OLFML2A: variants seen among roughly 807,000 people sequenced by gnomAD.
The protein encoded by OLFML2A is olfactomedin like 2A, also known as olfactomedin-like protein 2A.
Under a neutral mutation model 60.9 loss-of-function variants are expected in OLFML2A, and 47 were observed. The observed-to-expected ratio is 0.77, with a 90% CI of 0.61 to 0.98. The LOEUF (loss-of-function observed/expected upper bound fraction) is 0.98, where lower values mean the gene tolerates loss of function less well. Among genes scored for constraint, OLFML2A ranks in the 50% least tolerant of loss-of-function variants. The pLI is 0.00. For synonymous variants in OLFML2A, 372 were observed against 375.0 expected (o/e 0.99, Z 0.09); for missense variants, 922 against 879.8 (o/e 1.05, Z -0.61).
chr9:124,799,954 G>C lies in OLFML2A; in HGVS notation c.669+463G>C, dbSNP rs1361152322. Among the ~76,000 whole-genome samples the C allele has an allele frequency of 1.3e-5, 2 of 152,256 alleles. 1 individual carries two copies. The highest frequency in any genetic ancestry group is 4.1e-4 in the South Asian group (2 of 4,824). On this transcript the variant is annotated intron_variant, in intron 4 of 7. Coordinates refer to ENST00000373580, the MANE Select transcript of OLFML2A (RefSeq NM_182487.4). ...TACCCATTCATCCAACCCACCCTGGGGTACAGAACCCCTGCAGCCAATACC... is the reference window on the plus strand; with the variant it reads ...TACCCATTCATCCAACCCACCCTGGCGTACAGAACCCCTGCAGCCAATACC...
rs1398043559 is a variant in OLFML2A, at chr9:124,812,139, A to G, written c.*1727A>G. ...TAGGAAGGTCAGCTGCACAGCCAAGAGTGTAAGAGTGTAAAGAAATGCCTT... is the reference window on the plus strand; with the variant it reads ...TAGGAAGGTCAGCTGCACAGCCAAGGGTGTAAGAGTGTAAAGAAATGCCTT... On this transcript the variant is annotated 3_prime_UTR_variant, in exon 8 of 8. Transcript: ENST00000373580. The G allele has an allele frequency of 6.7e-6, 1 of 150,258 alleles. No homozygotes were observed. The highest frequency in any genetic ancestry group is 2.5e-5 in the African/African-American group (1 of 40,786). The allele number at this position is 150,258 out of a possible 1,614,324, so 9.3% of individuals were successfully genotyped here.
chr9:124,808,597 G>A (rs1841947241), intron 7 of OLFML2A, among the ~76,000 whole-genome samples: 1 of 152,140 alleles, frequency 6.6e-6, no homozygotes, highest in Non-Finnish European at 1.5e-5. Context: ...AAGGGGCTAT[G>A]GGAACCCAGC....
chr9:124,787,154 T>C lies in OLFML2A; in HGVS notation c.270T>C (p.Cys90=), dbSNP rs776881641. Residue 90 remains cysteine, a synonymous_variant, in exon 2 of 8, where the codon TGT becomes TGC. Coordinates refer to ENST00000373580, the MANE Select transcript of OLFML2A (RefSeq NM_182487.4). ...CGGGCACTGACTGCCGCTGCTCCTG[T>C]ACCGCACCTCCCTCCTCTCTCAACC... ...VSSGTDCRCS[C]TAPPSSLNPC... 5.0e-6 allele frequency: 8 copies of C among 1,614,206 alleles called. No homozygotes were observed. Among genetic ancestry groups the C allele is most frequent in the Non-Finnish European group, 6.8e-6 (8 of 1,180,022 alleles).
intron 3 of OLFML2A, among the ~76,000 whole-genome samples, chr9:124,796,380 C>T (rs1449256113): frequency 1.3e-5 from 2 of 152,168 alleles, no homozygotes; most frequent in East Asian, 3.8e-4. Context: ...TTGATCTTTC[C>T]TCTTGTAACC....
chr9:124,814,151 A>C lies in OLFML2A; in HGVS notation c.*3739A>C, dbSNP rs1342180860. On this transcript the variant is annotated 3_prime_UTR_variant, in exon 8 of 8. Coordinates refer to ENST00000373580, the MANE Select transcript of OLFML2A (RefSeq NM_182487.4). ...GCTCCCGCCTTGCGGGCAGTGCTAAAGGTGGAGCTGGGGGATTTTCCTGGG... is the reference window on the plus strand; with the variant it reads ...GCTCCCGCCTTGCGGGCAGTGCTAACGGTGGAGCTGGGGGATTTTCCTGGG... 1 of 152,336 alleles carries C rather than the reference A, an allele frequency of 6.6e-6. No individual in the cohort carries two copies. The highest frequency in any genetic ancestry group is 2.4e-5 in the African/African-American group (1 of 41,470). 9.4% of individuals were successfully genotyped at this position (152,336 alleles called of 1,614,324 possible).
At position 124,791,981 on chromosome 9, in the gene OLFML2A, T is replaced by G. The variant is rs375195996; in HGVS notation, c.355-3043T>G. ...GGCATGGCTGGAAACACCATCCTTC[T>G]CCTCTCCTCCAGATCATAGCACAGG... On this transcript the variant is annotated intron_variant, in intron 2 of 7. Coordinates refer to ENST00000373580, the MANE Select transcript of OLFML2A (RefSeq NM_182487.4). Among the ~76,000 whole-genome samples, 25 of 152,262 alleles carry G rather than the reference T, an allele frequency of 1.6e-4. No individual in the cohort carries two copies. The East Asian group carries it at 3.1e-3, about 19-fold the overall frequency.
intron 2 of OLFML2A, 22 bp downstream of exon 2, chr9:124,787,260 A>G (rs767329772): frequency 1.9e-6 from 3 of 1,606,798 alleles, no homozygotes; most frequent in Non-Finnish European, 2.6e-6. Context: ...GGGGTGATGG[A>G]GGGAGTAAGG....
Position 124,777,449 on chromosome 9 carries a change from G to C in OLFML2A, c.90+89G>C, listed in dbSNP as rs907363150. Reference sequence around the variant, plus strand: ...TGGGGTGCGGCCCGGGAGGGAGCCCGGGGCCAGGGCGGAGGAGCCGGGAGC... The same window carrying C: ...TGGGGTGCGGCCCGGGAGGGAGCCCCGGGCCAGGGCGGAGGAGCCGGGAGC... On this transcript the variant is annotated intron_variant, in intron 1 of 7. Coordinates refer to ENST00000373580, the MANE Select transcript of OLFML2A (RefSeq NM_182487.4). The surrounding 1 kb of genome is among the most constrained non-coding windows in gnomAD (Gnocchi z 6.2). 146 of 1,178,642 alleles carry C rather than the reference G, an allele frequency of 1.2e-4. No homozygotes were observed. Among genetic ancestry groups the C allele is most frequent in the Non-Finnish European group, 1.5e-4 (139 of 945,044 alleles). 73.0% of individuals were successfully genotyped at this position (1,178,642 alleles called of 1,614,324 possible).
intron 2 of OLFML2A, among the ~76,000 whole-genome samples, chr9:124,794,183 G>A (rs1401447159): frequency 6.6e-6 from 1 of 152,198 alleles, no homozygotes; most frequent in East Asian, 1.9e-4. Context: ...TCTGGAGTGG[G>A]GACAACAGCT....
chr9:124,794,450 T>C (rs1841625995), intron 2 of OLFML2A, among the ~76,000 whole-genome samples: 1 of 152,144 alleles, frequency 6.6e-6, no homozygotes, highest in African/African-American at 2.4e-5. Flanking sequence ...GATTAATTGG[T>C]ATAACTCCTT....
In OLFML2A at chr9:124,804,315, C is replaced by T; in HGVS notation, c.1141C>T (p.Pro381Ser). The change falls in exon 6 of 8, where the codon CCT becomes TCT. Residue 381 changes from proline (P) to serine (S), a missense_variant. Pro to Ser is a moderately conservative substitution (Grantham distance 74). Coordinates refer to ENST00000373580, the MANE Select transcript of OLFML2A (RefSeq NM_182487.4). The part of the protein sequence containing the change: ...PTTSLLPTEP[P>S]SGPEVSSQGR... ...CACCAGTCTCCTGCCCACCGAGCCACCTTCAGGTCCAGAAGTCTCCAGCCA... is the reference window on the plus strand; with the variant it reads ...CACCAGTCTCCTGCCCACCGAGCCATCTTCAGGTCCAGAAGTCTCCAGCCA... 6.4e-7 allele frequency: 1 copy of T among 1,550,502 alleles called. No individual in the cohort carries two copies. The highest frequency in any genetic ancestry group is 8.7e-7 in the Non-Finnish European group (1 of 1,147,990).
chr9:124,787,480 A>C (rs1841497420), intron 2 of OLFML2A, among the ~76,000 whole-genome samples: 1 of 151,130 alleles, frequency 6.6e-6, no homozygotes, highest in Non-Finnish European at 1.5e-5. Flanking sequence ...CAATTCATCC[A>C]TTGGCACCTA....
At chr9:124,787,697 T>C (rs987296009) in intron 2 of OLFML2A, among the ~76,000 whole-genome samples, 1 of 151,910 alleles carries the variant, frequency 6.6e-6, no homozygotes, top group African/African-American at 2.4e-5. Context: ...TGGCTGGGAT[T>C]ACAGACGTGC....
At chr9:124,807,249 T>C (rs1276529642) in intron 6 of OLFML2A, among the ~76,000 whole-genome samples, 2 of 151,354 alleles carry the variant, frequency 1.3e-5, no homozygotes, top group South Asian at 2.1e-4. Context: ...AGATTCCACA[T>C]ATAATGAATA....
intron 6 of OLFML2A, among the ~76,000 whole-genome samples, chr9:124,807,211 A>G (rs986795463): frequency 1.3e-5 from 2 of 151,562 alleles, no homozygotes; most frequent in Non-Finnish European, 2.9e-5. Context: ...GGTGTGAGTC[A>G]CTGTGCCTGG....
rs1842022200 is a variant in OLFML2A, at chr9:124,811,589, C to A, written c.*1177C>A. The A allele has an allele frequency of 1.3e-5, 2 of 152,374 alleles. No homozygotes were observed. Among genetic ancestry groups the A allele is most frequent in the African/African-American group, 2.4e-5 (1 of 41,462 alleles). 9.4% of individuals were successfully genotyped at this position (152,374 alleles called of 1,614,324 possible). On this transcript the variant is annotated 3_prime_UTR_variant, in exon 8 of 8. Transcript: ENST00000373580. Reference sequence around the variant, plus strand: ...GGGTCCAGGGGAGGCATCAGGCCTTCTTCTGGTTGCAGGAGAGAACCAGAG... The same window carrying A: ...GGGTCCAGGGGAGGCATCAGGCCTTATTCTGGTTGCAGGAGAGAACCAGAG...
chr9:124,791,394 A>C lies in OLFML2A; in HGVS notation c.355-3630A>C, dbSNP rs537275621. On this transcript the variant is annotated intron_variant, in intron 2 of 7. Coordinates refer to ENST00000373580, the MANE Select transcript of OLFML2A (RefSeq NM_182487.4). ...GTTTTTTAAAGATTAAAGGTCTCTC[A>C]AGAACCAATAGTTTTGTAAAATGCT... Among the ~76,000 whole-genome samples the C allele has an allele frequency of 5.3e-5, 8 of 152,356 alleles. No individual in the cohort carries two copies. The East Asian group carries it at 1.5e-3, about 29-fold the overall frequency.
rs1841323604 is a variant in OLFML2A, at chr9:124,779,609, C to A, written c.90+2249C>A. ...GGCTGGTGGGGTGGAGAGGCACAAC[C>A]TAGAGCTTGCAGGATGAACAGCTGG... On this transcript the variant is annotated intron_variant, in intron 1 of 7. Transcript: ENST00000373580. The surrounding 1 kb of genome is among the most constrained non-coding windows in gnomAD (Gnocchi z 4.1). Among the ~76,000 whole-genome samples the A allele has an allele frequency of 1.3e-5, 2 of 151,988 alleles. No homozygotes were observed. Among genetic ancestry groups the A allele is most frequent in the Admixed American group, 6.6e-5 (1 of 15,260 alleles).
At chr9:124,780,497 C>T (rs554267101) in intron 1 of OLFML2A, among the ~76,000 whole-genome samples, 99 of 152,314 alleles carry the variant, frequency 6.5e-4, no homozygotes, top group Non-Finnish European at 1.1e-3. Flanking sequence ...ATCAGATGTT[C>T]CAGGCCAGGC....
Sources: allele counts gnomAD v4.1 joint callset (sites outside exome capture counted in the v4.1 genomes callset), GRCh38; gene constraint gnomAD v4.1.1; non-coding constraint Gnocchi (gnomAD v3.1); transcripts MANE v1.5; gene names NCBI Gene and HGNC (gene_info 2026-07-23, HGNC 2026-07-21).